Variants in IARS1 observed in about 807,000 individuals in gnomAD.
IARS1 encodes isoleucyl-tRNA synthetase 1.
IARS1 carries 124 observed loss-of-function variants against 168.2 expected under a neutral mutation model. The ratio of observed to expected loss-of-function variants is 0.74; its 90% CI spans 0.64 to 0.86. The LOEUF is 0.86. Ranked by LOEUF, IARS1 falls within the 40% of genes least tolerant of loss-of-function variation. The pLI is 0.00. For synonymous variants in IARS1, 532 were observed against 529.4 expected (o/e 1.00, Z -0.07); for missense variants, 1,452 against 1,515.8 (o/e 0.96, Z 0.70).
At chr9:92,244,899 CT>C (rs773197354) in intron 27 of IARS1, 59 bp downstream of exon 27, 12 of 1,366,788 alleles carry the variant, frequency 8.8e-6, no homozygotes, top group Non-Finnish European at 1.3e-5. Flanking sequence ...CAGGCAAATA[CT>C]TTCTCCTCTT....
At chr9:92,278,164 G>T in intron 8 of IARS1, 35 bp downstream of exon 8, 1 of 1,286,892 alleles carries the variant, frequency 7.8e-7, no homozygotes, top group Non-Finnish European at 1.1e-6. Context: ...ACAGACACAT[G>T]CACACAAACA....
chr9:92,265,212 C>T (rs541389299), intron 15 of IARS1, 89 bp from the exon 16 acceptor site: 3 of 1,148,458 alleles, frequency 2.6e-6, no homozygotes, highest in East Asian at 5.1e-5. Context: ...AAAACCCTGA[C>T]AAGATATTAT....
chr9:92,210,595 C>A lies in IARS1; in HGVS notation c.*212G>T, dbSNP rs1014535626. ...TTGTAACCTGCTCCCAACATGACTGCATAGGTGTCTAAGGTTAAGTGTGAA... is the reference window on the plus strand; with the variant it reads ...TTGTAACCTGCTCCCAACATGACTGAATAGGTGTCTAAGGTTAAGTGTGAA... On this transcript the variant is annotated 3_prime_UTR_variant, in exon 34 of 34. Transcript: ENST00000443024. 2.1e-6 allele frequency: 1 copy of A among 487,782 alleles called. No homozygotes were observed. Among genetic ancestry groups the A allele is most frequent in the Non-Finnish European group, 3.7e-6 (1 of 269,762 alleles). 30.2% of individuals were successfully genotyped at this position (487,782 alleles called of 1,614,324 possible).
intron 33 of IARS1, among the ~76,000 whole-genome samples, chr9:92,219,338 C>T (rs558171769): frequency 6.6e-6 from 1 of 151,898 alleles, no homozygotes; most frequent in African/African-American, 2.4e-5. Flanking sequence ...TAGGCATTAC[C>T]ATTCAGGACA....
intron 9 of IARS1, 144 bp from the exon 10 acceptor site, chr9:92,274,665 C>A: frequency 1.8e-6 from 1 of 559,706 alleles, no homozygotes; most frequent in Non-Finnish European, 3.2e-6. Context: ...ATAATGCAGG[C>A]TGGGAAGAAA....
chr9:92,260,024 C>A, intron 18 of IARS1, 127 bp downstream of exon 18: 1 of 664,656 alleles, frequency 1.5e-6, no homozygotes, highest in East Asian at 2.6e-5. Flanking sequence ...AACATAACAT[C>A]CAAATAACAG....
chr9:92,229,858 T>G (rs886364234), intron 30 of IARS1, among the ~76,000 whole-genome samples: 2 of 152,200 alleles, frequency 1.3e-5, no homozygotes, highest in African/African-American at 4.8e-5. Context: ...TGTTTAGTTC[T>G]ATGCAATTTT....
chr9:92,217,957 C>T (rs1179277304), intron 33 of IARS1, among the ~76,000 whole-genome samples: 2 of 152,090 alleles, frequency 1.3e-5, no homozygotes, highest in South Asian at 4.2e-4. Context: ...CAAAGCCAGG[C>T]AGAGACACAA....
chr9:92,222,340 C>CAAAAAAAAAAAAAAAAAAAAA, intron 33 of IARS1, among the ~76,000 whole-genome samples, 180 bp downstream of exon 33: 1 of 55,372 alleles, frequency 1.8e-5, no homozygotes, highest in Non-Finnish European at 3.2e-5. Flanking sequence ...GACTCAGTCT[C>CAAAAAAAAAAAAAAAAAAAAA]AAAAAAAAAA....
At chr9:92,244,460 CT>C (rs1368728184) in intron 27 of IARS1, among the ~76,000 whole-genome samples, 4 of 152,166 alleles carry the variant, frequency 2.6e-5, no homozygotes, top group Non-Finnish European at 4.4e-5. Flanking sequence ...CTGGGGATGT[CT>C]GGTCAGGACT....
chr9:92,235,110 G>A (rs1488283245), intron 30 of IARS1, among the ~76,000 whole-genome samples: 2 of 152,180 alleles, frequency 1.3e-5, no homozygotes, highest in Non-Finnish European at 2.9e-5. Flanking sequence ...TGGGATTACA[G>A]GCGTGAGCCA....
Position 92,229,025 on chromosome 9 carries a change from G to A in IARS1, c.3385C>T (p.Leu1129=), listed in dbSNP as rs775905012. The A allele has an allele frequency of 2.5e-5, 40 of 1,613,928 alleles. No individual in the cohort carries two copies. The South Asian group carries it at 4.0e-4, about 16-fold the overall frequency. The change falls in exon 31 of 34, where the codon CTG becomes TTG. Residue 1129 remains leucine, a synonymous_variant. Transcript: ENST00000443024. ...TSIFGVKNTE[L]AVFHDETEIQ... ...CCTGTTTCATCATGGAAGACAGCCA[G>A]CTCTGTATTTTTCACACCAAAAATG...
At chr9:92,275,589 T>TTACA (rs1437897490) in intron 9 of IARS1, among the ~76,000 whole-genome samples, 1 of 152,224 alleles carries the variant, frequency 6.6e-6, no homozygotes, top group African/African-American at 2.4e-5. Flanking sequence ...GTCCTTAGAA[T>TTACA]TACATGTATA....
intron 6 of IARS1, among the ~76,000 whole-genome samples, chr9:92,283,607 C>G (rs1564188152): frequency 6.6e-6 from 1 of 152,144 alleles, no homozygotes; most frequent in African/African-American, 2.4e-5. Flanking sequence ...CACCACTGTA[C>G]TTCAGCCTGG....
In IARS1 at chr9:92,252,764, CAAAAAAAAAAA is replaced by C. The variant is rs34983021; in HGVS notation, c.2229+587_2229+597del. Among the ~76,000 whole-genome samples, 76 of 27,238 alleles carry C rather than the reference CAAAAAAAAAAA, an allele frequency of 2.8e-3. 1 individual carries two copies. Among genetic ancestry groups the C allele is most frequent in the African/African-American group, 9.6e-3 (66 of 6,882 alleles). 17.9% of individuals were successfully genotyped at this position (27,238 alleles called of 152,430 possible). On this transcript the variant is annotated intron_variant, in intron 21 of 33. Coordinates refer to ENST00000443024, the MANE Select transcript of IARS1 (RefSeq NM_002161.6). ...GGGTGACAAGAGTGAAACTCCTTCT[CAAAAAAAAAAA>C]AAAAAAAAAAAAAAAAAAAAAAGAC...
At chr9:92,265,645 G>C in intron 14 of IARS1, 92 bp from the exon 15 acceptor site, 1 of 1,000,180 alleles carries the variant, frequency 1.0e-6, no homozygotes, top group Non-Finnish European at 1.6e-6. Context: ...TACTTTGAGA[G>C]ACTGATGATT....
chr9:92,281,559 T>A (rs188329400), intron 6 of IARS1, among the ~76,000 whole-genome samples: 29 of 152,290 alleles, frequency 1.9e-4, no homozygotes, highest in African/African-American at 7.0e-4. Flanking sequence ...AATATGGTTA[T>A]CTTTTTGCCC....
chr9:92,217,741 G>T (rs868108097), intron 33 of IARS1, among the ~76,000 whole-genome samples: 109 of 152,206 alleles, frequency 7.2e-4, no homozygotes, highest in Middle Eastern at 6.8e-3. Flanking sequence ...TTGAATCTCT[G>T]AATAGACCAA....
chr9:92,215,713 G>C (rs1838558735), intron 33 of IARS1, among the ~76,000 whole-genome samples: 1 of 151,798 alleles, frequency 6.6e-6, no homozygotes, highest in Admixed American at 6.6e-5. Flanking sequence ...GAGAAGGGAA[G>C]TTTAGAGAAA....
Sources: gnomAD v4.1 joint callset for allele counts (sites outside exome capture counted in the v4.1 genomes callset) on GRCh38, gnomAD v4.1.1 for gene constraint, MANE v1.5 for transcripts, NCBI Gene and HGNC (gene_info 2026-07-23, HGNC 2026-07-21) for gene names.